Variants in CCNF observed in about 807,000 individuals in gnomAD.
The protein encoded by CCNF is cyclin F, also known as cyclin-F.
A neutral mutation model predicts 85.4 loss-of-function variants in CCNF; 30 were observed. That is an observed-to-expected ratio of 0.35 (90% CI 0.26 to 0.48). CCNF has a LOEUF of 0.48. Ranked by LOEUF, CCNF falls within the 20% of genes least tolerant of loss-of-function variation. The pLI, the probability that CCNF is intolerant of heterozygous loss-of-function variation, is 0.99. For synonymous variants in CCNF, 439 were observed against 425.1 expected, an observed-to-expected ratio of 1.03 and a Z score of -0.40; for missense variants, 919 against 1,010.4, an observed-to-expected ratio of 0.91 and a Z score of 1.23.
intron 9 of CCNF, among the ~76,000 whole-genome samples, chr16:2,444,602 CT>C (rs879408225): frequency 1.5e-3 from 200 of 133,936 alleles, no homozygotes; most frequent in Middle Eastern, 5.4e-3. Flanking sequence ...GCCCAGCCAC[CT>C]TTTTTTTTTT....
Position 2,439,443 on chromosome 16 carries a change from G to C in CCNF, c.685G>C (p.Asp229His). 1.2e-6 allele frequency: 2 copies of C among 1,608,660 alleles called. No individual in the cohort carries two copies. The highest frequency in any genetic ancestry group is 2.0e-4 in the Middle Eastern group (1 of 5,058). Residue 229 changes from aspartate to histidine, a missense_variant, in exon 7 of 17, where the codon GAC becomes CAC. Asp to His is a moderately conservative substitution (Grantham distance 81). Coordinates refer to ENST00000397066, the MANE Select transcript of CCNF (RefSeq NM_001761.3). ...CAGCTCCTACCTCCTCTGGGAAAGC[G>C]ACAGGAGGACAGATGTGAGTGGTGC... ...LTSSYLLWES[D>H]RRTDVSDPGR... is the part of the protein sequence containing the mutation.
In CCNF at chr16:2,453,386, C is replaced by T; in HGVS notation, c.1588-24C>T. 1 of 1,613,726 alleles carries T rather than the reference C, an allele frequency of 6.2e-7. No individual in the cohort carries two copies. Among genetic ancestry groups the T allele is most frequent in the South Asian group, 1.1e-5 (1 of 91,076 alleles). ...GGCCTCACCCTCGGGGCCTCTGCAC[C>T]CCCTAACTCTAGCTTCCCCTCAGGT... On this transcript the variant is annotated intron_variant, in intron 14 of 16. Transcript: ENST00000397066. This position sits in a 1 kb window ranked among gnomAD's most constrained non-coding sequence, Gnocchi z 5.6.
In CCNF at chr16:2,439,726, G is replaced by C. The variant is rs201721282; in HGVS notation, c.700-23G>C. On this transcript the variant is annotated intron_variant, in intron 7 of 16. Transcript: ENST00000397066. ...CCTCCCAAGACACAGTTGTACAAAG[G>C]CTCGGTGATCTCCCATTGACAGGTG... 8.5e-5 allele frequency: 137 copies of C among 1,607,644 alleles called. No individual in the cohort carries two copies. In the African/African-American group the frequency reaches 1.7e-3, roughly 20 times the overall value.
At chr16:2,431,931 T>C (rs1290637380) in intron 2 of CCNF, among the ~76,000 whole-genome samples, 10 of 151,274 alleles carry the variant, frequency 6.6e-5, no homozygotes, top group South Asian at 2.1e-4. Context: ...CCCAGGTTCA[T>C]GCCATTCTCC....
Position 2,457,808 on chromosome 16 carries a change from C to T in CCNF, c.*788C>T, listed in dbSNP as rs2065438529. 1 of 152,182 alleles carries T rather than the reference C, an allele frequency of 6.6e-6. No individual in the cohort carries two copies. The highest frequency in any genetic ancestry group is 2.4e-5 in the African/African-American group (1 of 41,430). 9.4% of individuals were successfully genotyped at this position (152,182 alleles called of 1,614,324 possible). ...AGGTATTAAAAAAACAAGAGATTCCCACCATTATTTAGGTTCACCTGCAAA... is the reference window on the plus strand; with the variant it reads ...AGGTATTAAAAAAACAAGAGATTCCTACCATTATTTAGGTTCACCTGCAAA... On this transcript the variant is annotated 3_prime_UTR_variant, in exon 17 of 17. Coordinates refer to ENST00000397066, the MANE Select transcript of CCNF (RefSeq NM_001761.3).
chr16:2,446,756 T>TCACGAGGAAGCAGAGGAGCCC (rs1451423499), intron 10 of CCNF, among the ~76,000 whole-genome samples: 1 of 152,146 alleles, frequency 6.6e-6, no homozygotes, highest in Non-Finnish European at 1.5e-5. Context: ...GTTTTTTGTT[T>TCACGAGGAAGCAGAGGAGCCC]CATGAGGAAG....
chr16:2,437,903 T>TAAAAAA, intron 5 of CCNF, 167 bp from the exon 6 acceptor site: 3 of 410,252 alleles, frequency 7.3e-6, no homozygotes, highest in Non-Finnish European at 1.3e-5. Context: ...TGTTTCCCTT[T>TAAAAAA]AAAAAAAAAA....
intron 1 of CCNF, among the ~76,000 whole-genome samples, chr16:2,429,848 A>G (rs2065254062): frequency 6.6e-6 from 1 of 151,876 alleles, no homozygotes; most frequent in Admixed American, 6.5e-5. Context: ...GGTCGGGGAA[A>G]GGGCTGCGGA....
At chr16:2,436,008 T>C in intron 4 of CCNF, 135 bp downstream of exon 4, 1 of 581,084 alleles carries the variant, frequency 1.7e-6, no homozygotes, top group South Asian at 2.3e-5. Flanking sequence ...CCATTCCCTC[T>C]CAGGAGCTCG....
At chr16:2,447,180 A>C (rs565449010) in intron 10 of CCNF, among the ~76,000 whole-genome samples, 1 of 152,168 alleles carries the variant, frequency 6.6e-6, no homozygotes, top group East Asian at 1.9e-4. Context: ...CGTTTCAGGG[A>C]GCTGAGTCCA....
At chr16:2,433,288 C>G (rs2065271808) in intron 3 of CCNF, among the ~76,000 whole-genome samples, 1 of 152,168 alleles carries the variant, frequency 6.6e-6, no homozygotes, top group South Asian at 2.1e-4. Flanking sequence ...TCCCTCACGC[C>G]ACTGACACGG....
chr16:2,448,941 T>C lies in CCNF; in HGVS notation c.1181T>C (p.Met394Thr), dbSNP rs1446387136. The C allele has an allele frequency of 6.2e-7, 1 of 1,614,102 alleles. No individual in the cohort carries two copies. Among genetic ancestry groups the C allele is most frequent in the Non-Finnish European group, 8.5e-7 (1 of 1,179,978 alleles). ...TYKYEDLVRM[M>T]GEIVSALEGK... ...AAGTACGAGGACCTGGTGAGAATGA[T>C]GGGCGAGATCGTCTCCGCCTTGGAA... is the stretch of plus-strand genomic sequence containing the variant. Residue 394 changes from methionine to threonine, a missense_variant, in exon 11 of 17, where the codon ATG (methionine) becomes ACG (threonine). Physicochemically the swap from Met to Thr is moderately conservative, Grantham distance 81 (BLOSUM62 -1). Around this residue, in one of 3 missense-constraint regions of CCNF, gnomAD observed 505 missense variants for 514.8 expected, o/e 0.98. Transcript: ENST00000397066.
rs1295174164 is a variant in CCNF at position 2,442,947 on chromosome 16, T to A, written c.778-702T>A. Among the ~76,000 whole-genome samples, 20 of 78,074 alleles carry A rather than the reference T, an allele frequency of 2.6e-4. No individual in the cohort carries two copies. The South Asian group carries it at 5.8e-3, about 23-fold the overall frequency. 51.2% of individuals were successfully genotyped at this position (78,074 alleles called of 152,430 possible). ...AATATATATGATTATTATATATTAT[T>A]ATATTATATATTTTTATATATTTAT... On this transcript the variant is annotated intron_variant, in intron 8 of 16. Transcript: ENST00000397066.
chr16:2,441,042 G>A (rs902726285), intron 8 of CCNF, among the ~76,000 whole-genome samples: 1 of 151,536 alleles, frequency 6.6e-6, no homozygotes, highest in African/African-American at 2.4e-5. Flanking sequence ...GACCACCCTG[G>A]CCAATGTGGT....
At chr16:2,440,522 C>T (rs536443758) in intron 8 of CCNF, among the ~76,000 whole-genome samples, 4 of 152,078 alleles carry the variant, frequency 2.6e-5, no homozygotes, top group South Asian at 2.1e-4. Context: ...GCAGGAGAAT[C>T]GCTTGAACCC....
chr16:2,440,221 C>T (rs945792279), intron 8 of CCNF, among the ~76,000 whole-genome samples: 2 of 152,198 alleles, frequency 1.3e-5, no homozygotes, highest in African/African-American at 4.8e-5. Flanking sequence ...TTCCTGCTTC[C>T]TCTTCCTGTT....
At chr16:2,437,408 T>C (rs2065297371) in intron 5 of CCNF, 86 bp downstream of exon 5, 4 of 1,075,760 alleles carry the variant, frequency 3.7e-6, no homozygotes, top group Non-Finnish European at 5.1e-6. Flanking sequence ...TCCTGGACCC[T>C]GGAAAGTCAG....
At chr16:2,449,979 G>T in intron 13 of CCNF, 64 bp downstream of exon 13, 1 of 1,149,804 alleles carries the variant, frequency 8.7e-7, no homozygotes, top group Non-Finnish European at 1.3e-6. Context: ...GGCCGAGGCG[G>T]GCAGATCATT....
In CCNF at chr16:2,430,950, C is replaced by A. The variant is rs151088729; in HGVS notation, c.17-180C>A. ...GATCTCTTCTGTAATTTGTGCAATG[C>A]CACTCCTTTACATAATCTTTGTTTG... On this transcript the variant is annotated intron_variant, in intron 1 of 16. Transcript: ENST00000397066. 2.2e-3 allele frequency: 1,677 copies of A among 770,622 alleles called. 2 individuals are homozygous for A. Among genetic ancestry groups the A allele is most frequent in the Non-Finnish European group, 3.4e-3 (1,455 of 427,752 alleles). The allele number at this position is 770,622 out of a possible 1,614,324, so 47.7% of individuals were successfully genotyped here. A position where few individuals can be genotyped will look rare whatever the true frequency, so the allele number is the denominator to read the frequency against.
Sources: gnomAD v4.1 joint callset for allele counts (sites outside exome capture counted in the v4.1 genomes callset) on GRCh38, gnomAD v4.1.1 for gene constraint, gnomAD v4.1.1 regional missense constraint, Gnocchi (gnomAD v3.1) non-coding constraint, MANE v1.5 for transcripts, NCBI Gene and HGNC (gene_info 2026-07-23, HGNC 2026-07-21) for gene names.